Variants in SNTG2 observed in about 807,000 individuals in gnomAD.
The protein encoded by SNTG2 is gamma-2-syntrophin.
Under a neutral mutation model 70.9 loss-of-function variants are expected in SNTG2, and 74 were observed. The observed-to-expected ratio is 1.04, with a 90% CI of 0.86 to 1.27. The LOEUF (loss-of-function observed/expected upper bound fraction) is 1.27, where lower values mean the gene tolerates loss of function less well. Ranked by LOEUF, SNTG2 falls within the 50% of genes most tolerant of loss-of-function variation. The probability of loss-of-function intolerance (pLI) is 0.00; values close to 1 mark genes in which losing one functional copy is unlikely to be tolerated. For missense variants in SNTG2, 717 were observed against 690.7 expected (o/e 1.04, Z -0.43); for synonymous variants, 278 against 273.8 (o/e 1.02, Z -0.15).
intron 13 of SNTG2, among the ~76,000 whole-genome samples, chr2:1,261,248 A>C (rs1172981965): frequency 6.6e-6 from 1 of 152,256 alleles, no homozygotes; most frequent in Non-Finnish European, 1.5e-5. Flanking sequence ...TTTATCATTT[A>C]GCATACATAA....
At chr2:1,098,748 A>G (rs1665563382) in intron 4 of SNTG2, among the ~76,000 whole-genome samples, 1 of 152,224 alleles carries the variant, frequency 6.6e-6, no homozygotes, top group Non-Finnish European at 1.5e-5. Context: ...TAGATGGAGA[A>G]GTCCATGGTG....
intron 9 of SNTG2, among the ~76,000 whole-genome samples, chr2:1,229,598 G>A (rs967541116): frequency 6.6e-6 from 1 of 152,216 alleles, no homozygotes; most frequent in East Asian, 1.9e-4. Context: ...CCGTGCGCTC[G>A]CATTCCTCAG....
intron 4 of SNTG2, among the ~76,000 whole-genome samples, chr2:1,123,565 A>G (rs1228368581): frequency 6.6e-6 from 1 of 152,230 alleles, no homozygotes; most frequent in African/African-American, 2.4e-5. Flanking sequence ...CCAAAAATGG[A>G]TGAAAGTCTT....
chr2:1,100,425 G>T (rs545577966), intron 4 of SNTG2, among the ~76,000 whole-genome samples: 1 of 152,200 alleles, frequency 6.6e-6, no homozygotes, highest in African/African-American at 2.4e-5. Context: ...GATTACAGGC[G>T]TGAGCCACCG....
intron 6 of SNTG2, among the ~76,000 whole-genome samples, chr2:1,155,053 CAT>C (rs1669778103): frequency 6.6e-6 from 1 of 151,414 alleles, no homozygotes; most frequent in Non-Finnish European, 1.5e-5. Flanking sequence ...ACACCACACA[CAT>C]AAACACAAAC....
intron 1 of SNTG2, among the ~76,000 whole-genome samples, chr2:1,028,138 G>A (rs1011571247): frequency 1.3e-5 from 2 of 151,138 alleles, no homozygotes; most frequent in Non-Finnish European, 2.9e-5. Context: ...AAAGAGATAA[G>A]CAGGTGCATC....
chr2:1,296,562 G>T (rs1371073029), intron 14 of SNTG2, among the ~76,000 whole-genome samples: 1 of 152,222 alleles, frequency 6.6e-6, no homozygotes, highest in African/African-American at 2.4e-5. Flanking sequence ...CAGAGATAGA[G>T]GTTGACCTAG....
chr2:1,341,861 T>C (rs1275243087), intron 16 of SNTG2, among the ~76,000 whole-genome samples: 1 of 138,328 alleles, frequency 7.2e-6, no homozygotes, highest in East Asian at 2.0e-4. Flanking sequence ...TTTTTTTTTT[T>C]TTGAGATAGG....
intron 8 of SNTG2, among the ~76,000 whole-genome samples, chr2:1,208,247 C>T (rs1673780179): frequency 7.7e-6 from 1 of 130,616 alleles, no homozygotes; most frequent in Non-Finnish European, 1.6e-5. Context: ...TGGGGCACAC[C>T]TGTGAGTGTG....
intron 12 of SNTG2, among the ~76,000 whole-genome samples, chr2:1,251,284 C>T (rs1677739494): frequency 6.9e-6 from 1 of 145,860 alleles, no homozygotes; most frequent in Non-Finnish European, 1.5e-5. Flanking sequence ...ATTTTGTTAT[C>T]CTCAAGTAAG....
At chr2:1,273,075 A>AT (rs1679119942) in intron 14 of SNTG2, among the ~76,000 whole-genome samples, 1 of 152,080 alleles carries the variant, frequency 6.6e-6, no homozygotes, top group Non-Finnish European at 1.5e-5. Context: ...TGCTCCGTGG[A>AT]TTTTCCACTG....
intron 16 of SNTG2, among the ~76,000 whole-genome samples, chr2:1,363,389 G>A (rs370413642): frequency 1.3e-5 from 2 of 152,124 alleles, no homozygotes; most frequent in African/African-American, 4.8e-5. Context: ...ATCTCTTATA[G>A]CACATATGTC....
chr2:1,084,123 A>T (rs976722009), intron 2 of SNTG2, among the ~76,000 whole-genome samples: 1 of 152,224 alleles, frequency 6.6e-6, no homozygotes, highest in Non-Finnish European at 1.5e-5. Flanking sequence ...TGTTTTTGAA[A>T]ATATTCCAAA....
intron 12 of SNTG2, among the ~76,000 whole-genome samples, chr2:1,250,500 A>C (rs1236281901): frequency 1.4e-5 from 2 of 147,384 alleles, no homozygotes; most frequent in Non-Finnish European, 3.0e-5. Flanking sequence ...TGTCTGACTC[A>C]TCTCTCTGTC....
intron 14 of SNTG2, among the ~76,000 whole-genome samples, chr2:1,302,652 TA>T (rs539359646): frequency 1.5e-3 from 230 of 148,620 alleles, no homozygotes; most frequent in African/African-American, 5.3e-3. Flanking sequence ...AAGATATCAA[TA>T]AATTACATGA....
chr2:1,198,467 T>TA (rs903027429), intron 8 of SNTG2, among the ~76,000 whole-genome samples: 27 of 141,506 alleles, frequency 1.9e-4, no homozygotes, highest in African/African-American at 3.4e-4. Context: ...TCGAAAAACG[T>TA]AAAAAAAAAA....
At chr2:1,252,527 G>A (rs1459981608) in intron 12 of SNTG2, among the ~76,000 whole-genome samples, 1 of 152,212 alleles carries the variant, frequency 6.6e-6, no homozygotes, top group African/African-American at 2.4e-5. Flanking sequence ...ATGCAATTTG[G>A]TTTCCATGGA....
intron 14 of SNTG2, among the ~76,000 whole-genome samples, chr2:1,291,198 T>C (rs554684685): frequency 9.9e-5 from 15 of 152,280 alleles, no homozygotes; most frequent in African/African-American, 3.4e-4. Flanking sequence ...TTTAATTGGG[T>C]TGTTTGCTTG....
chr2:1,091,761 C>G (rs1665044837), intron 2 of SNTG2, among the ~76,000 whole-genome samples: 2 of 152,148 alleles, frequency 1.3e-5, no homozygotes, highest in South Asian at 4.1e-4. Flanking sequence ...ATACACTTTT[C>G]AAAACTCTAA....
Sources: gnomAD v4.1 joint callset for allele counts (sites outside exome capture counted in the v4.1 genomes callset) on GRCh38, gnomAD v4.1.1 for gene constraint, MANE v1.5 for transcripts, NCBI Gene and HGNC (gene_info 2026-07-23, HGNC 2026-07-21) for gene names.